Variants in ROBO1 observed in about 807,000 individuals in gnomAD.
ROBO1 encodes the protein roundabout guidance receptor 1.
Under a neutral mutation model 195.9 loss-of-function variants are expected in ROBO1, and 149 were observed. The ratio of observed to expected loss-of-function variants is 0.76; its 90% CI spans 0.67 to 0.87. ROBO1 has a LOEUF of 0.87. Among genes scored for constraint, ROBO1 ranks in the 40% least tolerant of loss-of-function variants. The probability of loss-of-function intolerance (pLI) is 0.00; values close to 1 mark genes in which losing one functional copy is unlikely to be tolerated. For missense variants in ROBO1, 1,933 were observed against 2,068.3 expected, an observed-to-expected ratio of 0.93 and a Z score of 1.27; for synonymous variants, 816 against 733.2, an observed-to-expected ratio of 1.11 and a Z score of -1.82.
chr3:78,626,655 TAGAAATGCGA>T (rs1444774634), intron 26 of ROBO1, among the ~76,000 whole-genome samples: 2 of 152,046 alleles, frequency 1.3e-5, no homozygotes, highest in Admixed American at 6.6e-5. Context: ...TTTTATGTGG[TAGAAATGCGA>T]AGTGAAGCCA....
At chr3:78,895,214 G>C (rs746488168) in intron 4 of ROBO1, among the ~76,000 whole-genome samples, 11 of 152,136 alleles carry the variant, frequency 7.2e-5, no homozygotes, top group Admixed American at 1.3e-4. Context: ...CTGACAATTA[G>C]GGTTACAAAT....
chr3:78,633,386 C>T (rs543672119), intron 24 of ROBO1, among the ~76,000 whole-genome samples: 5 of 152,250 alleles, frequency 3.3e-5, no homozygotes, highest in African/African-American at 1.2e-4. Flanking sequence ...CTCAATGTGG[C>T]TTTGGGAGGC....
chr3:79,297,813 G>A (rs1161742058), intron 2 of ROBO1, among the ~76,000 whole-genome samples: 4 of 151,960 alleles, frequency 2.6e-5, no homozygotes, highest in African/African-American at 9.7e-5. Flanking sequence ...CCAACTGCTA[G>A]GATTTTCTTT....
At chr3:79,572,150 C>T (rs982712479) in intron 2 of ROBO1, among the ~76,000 whole-genome samples, 5 of 151,376 alleles carry the variant, frequency 3.3e-5, no homozygotes, top group Admixed American at 6.6e-5. Flanking sequence ...ACTTAAAGTA[C>T]AATAATAATA....
chr3:79,177,530 C>G (rs1184011052), intron 2 of ROBO1, among the ~76,000 whole-genome samples: 2 of 152,192 alleles, frequency 1.3e-5, no homozygotes, highest in Non-Finnish European at 2.9e-5. Flanking sequence ...ACTCCTCCCC[C>G]ACTTTAAAAG....
chr3:79,520,260 T>C (rs1241727107), intron 2 of ROBO1, among the ~76,000 whole-genome samples: 2 of 151,694 alleles, frequency 1.3e-5, no homozygotes, highest in African/African-American at 4.8e-5. Context: ...GAAAACTAGA[T>C]CGGGTGTCAG....
chr3:78,865,808 G>A (rs1405688430), intron 4 of ROBO1, among the ~76,000 whole-genome samples: 5 of 152,054 alleles, frequency 3.3e-5, no homozygotes, highest in Non-Finnish European at 7.4e-5. Flanking sequence ...ATAACATATT[G>A]TCTTGTATAA....
At chr3:79,577,254 T>C (rs1277349396) in intron 2 of ROBO1, among the ~76,000 whole-genome samples, 1 of 152,176 alleles carries the variant, frequency 6.6e-6, no homozygotes, top group Non-Finnish European at 1.5e-5. Flanking sequence ...CTTTTTAGCG[T>C]CATTTATTTA....
intron 2 of ROBO1, among the ~76,000 whole-genome samples, chr3:79,336,256 G>T (rs1465444219): frequency 6.6e-6 from 1 of 152,238 alleles, no homozygotes; most frequent in Admixed American, 6.5e-5. Context: ...TCCAGGGCAT[G>T]TCAGAGACCT....
At position 79,589,847 on chromosome 3, in the gene ROBO1, A is replaced by G. The variant is rs1159480078; in HGVS notation, c.65T>C (p.Leu22Pro). ...ACCTGGAATAAGCTGGGCCAGAAAC[A>G]GGTGATTTGGGGATAAGCTGAGGAG... ...ISLLSLSPNH[L>P]FLAQLIPDPE... Residue 22 changes from leucine (L) to proline (P), a missense_variant, in exon 2 of 31, where the codon CTG (leucine) becomes CCG (proline). This residue lies in a region of ROBO1 where 185 missense variants were observed against 159.5 expected (regional missense o/e 1.16). Transcript: ENST00000464233. 6.2e-7 allele frequency: 1 copy of G among 1,611,036 alleles called. No individual in the cohort carries two copies. The highest frequency in any genetic ancestry group is 1.7e-5 in the Admixed American group (1 of 59,824).
intron 5 of ROBO1, among the ~76,000 whole-genome samples, chr3:78,725,572 A>T (rs1468727928): frequency 6.6e-6 from 1 of 152,164 alleles, no homozygotes; most frequent in Non-Finnish European, 1.5e-5. Context: ...TATAGAGAAT[A>T]ATCAGGTTTA....
chr3:78,889,056 G>A (rs943180248), intron 4 of ROBO1, among the ~76,000 whole-genome samples: 1 of 152,130 alleles, frequency 6.6e-6, no homozygotes, highest in Non-Finnish European at 1.5e-5. Flanking sequence ...CAGAGAGCAG[G>A]TTTCAAAGAA....
chr3:79,695,400 A>G (rs1947414612), intron 1 of ROBO1, among the ~76,000 whole-genome samples: 1 of 151,602 alleles, frequency 6.6e-6, no homozygotes, highest in Non-Finnish European at 1.5e-5. Flanking sequence ...TGTTTAATTC[A>G]GAATTACAAT....
intron 8 of ROBO1, among the ~76,000 whole-genome samples, chr3:78,693,707 A>G (rs942931988): frequency 1.3e-5 from 2 of 152,260 alleles, no homozygotes; most frequent in African/African-American, 4.8e-5. Context: ...ATTTTAAAAC[A>G]TTATAAATCT....
chr3:79,537,307 ATTTGG>A (rs1941909727), intron 2 of ROBO1, among the ~76,000 whole-genome samples: 1 of 152,072 alleles, frequency 6.6e-6, no homozygotes, highest in Non-Finnish European at 1.5e-5. Context: ...CAAATCGTTT[ATTTGG>A]AAGGGGAACT....
Position 78,614,257 on chromosome 3 carries a change from A to G in ROBO1, c.4435+391T>C, listed in dbSNP as rs566513591. Among the ~76,000 whole-genome samples, 11 of 152,314 alleles carry G rather than the reference A, an allele frequency of 7.2e-5. No homozygotes were observed. In the East Asian group the frequency reaches 2.1e-3, roughly 29 times the overall value. On this transcript the variant is annotated intron_variant, in intron 28 of 30. Coordinates refer to ENST00000464233, the MANE Select transcript of ROBO1 (RefSeq NM_002941.4). ...TATTCAAACACATTTACTGTCTTCT[A>G]TTTGAATGCAAAATTGTAAAATAAA...
intron 3 of ROBO1, among the ~76,000 whole-genome samples, chr3:79,065,294 T>C (rs750668677): frequency 7.2e-5 from 11 of 151,974 alleles, no homozygotes; most frequent in South Asian, 2.1e-4. Flanking sequence ...TCATTCCCTA[T>C]GTCTTGAGTA....
intron 3 of ROBO1, among the ~76,000 whole-genome samples, chr3:78,963,155 C>T (rs527857400): frequency 6.6e-6 from 1 of 151,688 alleles, no homozygotes; most frequent in Non-Finnish European, 1.5e-5. Flanking sequence ...GAAGAACTAA[C>T]CCTATCCTTC....
At chr3:79,035,561 CA>C (rs146611106) in intron 3 of ROBO1, among the ~76,000 whole-genome samples, 1 of 151,046 alleles carries the variant, frequency 6.6e-6, no homozygotes, top group Non-Finnish European at 1.5e-5. Context: ...CTCTACAAAA[CA>C]AAAAAAACAA....
Sources: gnomAD v4.1 joint callset for allele counts (sites outside exome capture counted in the v4.1 genomes callset) on GRCh38, gnomAD v4.1.1 for gene constraint, gnomAD v4.1.1 regional missense constraint, MANE v1.5 for transcripts, NCBI Gene and HGNC (gene_info 2026-07-23, HGNC 2026-07-21) for gene names.